Variants in MARCHF1 observed in about 807,000 individuals in gnomAD.
The protein encoded by MARCHF1 is E3 ubiquitin-protein ligase MARCHF1.
Under a neutral mutation model 54.2 loss-of-function variants are expected in MARCHF1, and 40 were observed. That is an observed-to-expected ratio of 0.74 (90% confidence interval 0.57 to 0.96). MARCHF1 has a LOEUF of 0.96. MARCHF1 is among the 40% of genes least tolerant of loss of function. The pLI is 0.00. For missense variants in MARCHF1, 586 were observed against 656.5 expected, an observed-to-expected ratio of 0.89 and a Z score of 1.17; for synonymous variants, 236 against 236.3, an observed-to-expected ratio of 1.00 and a Z score of 0.01.
chr4:163,983,570 T>C (rs901096214), intron 3 of MARCHF1, among the ~76,000 whole-genome samples: 1 of 152,152 alleles, frequency 6.6e-6, no homozygotes, highest in Non-Finnish European at 1.5e-5. Flanking sequence ...GGGTTACATT[T>C]ACTCTTTGGG....
intron 1 of MARCHF1, among the ~76,000 whole-genome samples, chr4:164,293,319 G>T (rs1028048339): frequency 6.6e-6 from 1 of 152,096 alleles, no homozygotes; most frequent in East Asian, 1.9e-4. Context: ...TCAATCACAA[G>T]TTGCCAGCTA....
chr4:163,770,004 G>A (rs1561067915), intron 4 of MARCHF1, among the ~76,000 whole-genome samples: 1 of 151,992 alleles, frequency 6.6e-6, no homozygotes, highest in Non-Finnish European at 1.5e-5. Context: ...AGACCTTTAT[G>A]ATGATTCACT....
At chr4:163,564,704 AG>A (rs746918565) in intron 8 of MARCHF1, among the ~76,000 whole-genome samples, 28 of 152,222 alleles carry the variant, frequency 1.8e-4, no homozygotes, top group Non-Finnish European at 3.2e-4. Flanking sequence ...TGCCAGGATT[AG>A]GTTTTAAAAA....
intron 4 of MARCHF1, among the ~76,000 whole-genome samples, chr4:163,741,100 A>G (rs950870663): frequency 6.6e-6 from 1 of 152,154 alleles, no homozygotes; most frequent in Non-Finnish European, 1.5e-5. Flanking sequence ...GGGTCAGAAA[A>G]CTGGGTTCTA....
intron 5 of MARCHF1, among the ~76,000 whole-genome samples, chr4:163,666,003 G>A (rs938582605): frequency 8.5e-5 from 13 of 152,218 alleles, no homozygotes; most frequent in African/African-American, 2.4e-4. Context: ...ACATGCAGAC[G>A]TGCTCACTAA....
chr4:163,620,292 G>A (rs978741004), intron 5 of MARCHF1, among the ~76,000 whole-genome samples: 16 of 140,016 alleles, frequency 1.1e-4, no homozygotes, highest in Admixed American at 2.1e-4. Context: ...GAAGCCACGC[G>A]TTGCTATATA....
At position 163,771,869 on chromosome 4, in the gene MARCHF1, T is replaced by C. The variant is rs532226665; in HGVS notation, c.112-71006A>G. On this transcript the variant is annotated intron_variant, in intron 4 of 9. Transcript: ENST00000514618. ...AGAAACACGAAACAAAGTACTCAGA[T>C]ACTTCAATCAAAGTTAAGTCATTAC... is the stretch of plus-strand genomic sequence containing the variant. Among the ~76,000 whole-genome samples, 4 of 152,326 alleles carry C rather than the reference T, an allele frequency of 2.6e-5. No homozygotes were observed. The East Asian group carries it at 5.8e-4, about 22-fold the overall frequency.
chr4:164,299,882 A>G (rs1343782764), intron 1 of MARCHF1, among the ~76,000 whole-genome samples: 1 of 152,204 alleles, frequency 6.6e-6, no homozygotes, highest in Non-Finnish European at 1.5e-5. Flanking sequence ...TCTATAAATT[A>G]AATTACACTT....
chr4:163,681,659 A>G (rs1231008388), intron 5 of MARCHF1, among the ~76,000 whole-genome samples: 2 of 152,132 alleles, frequency 1.3e-5, no homozygotes, highest in Non-Finnish European at 2.9e-5. Flanking sequence ...TGCCATGTGA[A>G]GAAGGATGTG....
At position 164,210,037 on chromosome 4, in the gene MARCHF1, AT is replaced by A. The variant is rs1731720322; in HGVS notation, c.-322-98376del. Among the ~76,000 whole-genome samples the A allele has an allele frequency of 2.0e-5, 3 of 152,336 alleles. No individual in the cohort carries two copies. The South Asian group carries it at 6.2e-4, about 32-fold the overall frequency. Reference sequence around the variant, plus strand: ...TGTTTTCTACATTTTTTATGAAATTATTCTTATTGAACAGTACAAAAGAAAG... The same window carrying A: ...TGTTTTCTACATTTTTTATGAAATTATCTTATTGAACAGTACAAAAGAAAG... On this transcript the variant is annotated intron_variant, in intron 1 of 9. Coordinates refer to ENST00000514618, the MANE Select transcript of MARCHF1 (RefSeq NM_001394959.1).
At chr4:163,869,353 G>A (rs1295688234) in intron 3 of MARCHF1, among the ~76,000 whole-genome samples, 1 of 152,072 alleles carries the variant, frequency 6.6e-6, no homozygotes, top group Non-Finnish European at 1.5e-5. Context: ...ACCTTTGGCA[G>A]TGGTAAATCC....
intron 4 of MARCHF1, among the ~76,000 whole-genome samples, chr4:163,801,133 C>T (rs1048046203): frequency 1.3e-5 from 2 of 151,986 alleles, no homozygotes; most frequent in African/African-American, 2.4e-5. Context: ...ATCATCATGA[C>T]GGCACTCGGG....
intron 3 of MARCHF1, among the ~76,000 whole-genome samples, chr4:163,948,009 A>C (rs2110772281): frequency 6.6e-6 from 1 of 152,306 alleles, no homozygotes; most frequent in Non-Finnish European, 1.5e-5. Flanking sequence ...CTCTACTTTT[A>C]ATCATCAGCC....
At chr4:163,613,636 G>C in intron 5 of MARCHF1, 1 of 1,416,294 alleles carries the variant, frequency 7.1e-7, no homozygotes, top group Non-Finnish European at 9.2e-7. Flanking sequence ...GAGAGAGGAA[G>C]ATGATTCCAC....
chr4:164,029,637 C>A (rs143307156), intron 2 of MARCHF1, among the ~76,000 whole-genome samples: 1,608 of 152,128 alleles, frequency 0.011, 38 homozygotes, highest in African/African-American at 0.037. Flanking sequence ...CTCTGTCACC[C>A]AGGCTGCAGT....
chr4:164,106,156 A>C (rs1158129500), intron 2 of MARCHF1, among the ~76,000 whole-genome samples: 3 of 148,698 alleles, frequency 2.0e-5, no homozygotes, highest in Admixed American at 6.7e-5. Context: ...GAACACTTTT[A>C]CACTGTTGGT....
chr4:163,592,736 T>C (rs1740632767), intron 7 of MARCHF1, among the ~76,000 whole-genome samples: 1 of 152,100 alleles, frequency 6.6e-6, no homozygotes. Context: ...ATACTAGGAC[T>C]TTAAATTCTG....
chr4:163,688,375 T>C (rs1242943561), intron 5 of MARCHF1, among the ~76,000 whole-genome samples: 1 of 152,206 alleles, frequency 6.6e-6, no homozygotes, highest in Non-Finnish European at 1.5e-5. Flanking sequence ...CCTGACTTCT[T>C]TGACTTTTAA....
At chr4:163,753,145 C>A (rs1161604506) in intron 4 of MARCHF1, among the ~76,000 whole-genome samples, 2 of 151,638 alleles carry the variant, frequency 1.3e-5, no homozygotes. Flanking sequence ...CTAGATGATC[C>A]CTTAGGTTTC....
Sources: allele counts gnomAD v4.1 joint callset (sites outside exome capture counted in the v4.1 genomes callset), GRCh38; gene constraint gnomAD v4.1.1; transcripts MANE v1.5; gene names NCBI Gene and HGNC (gene_info 2026-07-23, HGNC 2026-07-21).